AMY2B: variants seen among roughly 807,000 people sequenced by gnomAD.
The protein encoded by AMY2B is amylase alpha 2B.
A neutral mutation model predicts 59.3 loss-of-function variants in AMY2B; 63 were observed. The ratio of observed to expected loss-of-function variants is 1.06; its 90% CI spans 0.87 to 1.31. The LOEUF is 1.31. Ranked by LOEUF, AMY2B falls within the 50% of genes most tolerant of loss-of-function variation. The pLI, the probability that AMY2B is intolerant of heterozygous loss-of-function variation, is 0.00. For synonymous variants in AMY2B, 180 were observed against 198.1 expected, an observed-to-expected ratio of 0.91 and a Z score of 0.77; for missense variants, 635 against 626.7, an observed-to-expected ratio of 1.01 and a Z score of -0.14.
chr1:103,574,077 A>G, intron 4 of AMY2B, 139 bp downstream of exon 4: 3 of 1,517,470 alleles, frequency 2.0e-6, no homozygotes, highest in Non-Finnish European at 2.7e-6. Context: ...TCCTCTTCAC[A>G]TACAGCATAT....
At chr1:103,578,302 C>T (rs1339534398) in intron 9 of AMY2B, among the ~76,000 whole-genome samples, 1 of 152,134 alleles carries the variant, frequency 6.6e-6, no homozygotes, top group Non-Finnish European at 1.5e-5. Flanking sequence ...ACTTTCTTCA[C>T]TTCTCTGTCT....
chr1:103,578,204 T>A (rs187701006), intron 9 of AMY2B, among the ~76,000 whole-genome samples: 2 of 152,354 alleles, frequency 1.3e-5, no homozygotes, highest in East Asian at 1.9e-4. Context: ...CCTGTTTTTT[T>A]AATCATGGAA....
At position 103,575,754 on chromosome 1, in the gene AMY2B, T is replaced by A. The variant is rs117564960; in HGVS notation, c.1101+214T>A. The A allele has an allele frequency of 4.9e-3, 3,139 of 646,110 alleles. 129 individuals carry two copies. The Admixed American group carries it at 0.084, about 17-fold the overall frequency. The allele number at this position is 646,110 out of a possible 1,614,324, so 40.0% of individuals were successfully genotyped here. A position where few individuals can be genotyped will look rare whatever the true frequency, so the allele number is the denominator to read the frequency against. On this transcript the variant is annotated intron_variant, in intron 7 of 9. Coordinates refer to ENST00000684275, the MANE Select transcript of AMY2B (RefSeq NM_001387437.1). The stretch of plus-strand genomic sequence containing the variant: ...TATGCAAGCCTTTTCAGACATATGA[T>A]AAACATCCCCCTAGCCCACAGGAAA...
intron 1 of AMY2B, among the ~76,000 whole-genome samples, chr1:103,558,624 ATAAT>A (rs1651634708): frequency 6.6e-6 from 1 of 152,122 alleles, no homozygotes; most frequent in African/African-American, 2.4e-5. Flanking sequence ...ATTGCTGGGC[ATAAT>A]TAGTCATGCT....
intron 8 of AMY2B, 33 bp downstream of exon 8, chr1:103,577,641 A>G: frequency 4.3e-6 from 7 of 1,611,926 alleles, no homozygotes; most frequent in Non-Finnish European, 5.1e-6. Context: ...GTCCTCTAAT[A>G]GTAAACTTTC....
In AMY2B at chr1:103,577,820, T is replaced by C; in HGVS notation, c.1321T>C (p.Phe441Leu). The C allele has an allele frequency of 6.2e-7, 1 of 1,604,116 alleles. No homozygotes were observed. The highest frequency in any genetic ancestry group is 8.5e-7 in the Non-Finnish European group (1 of 1,179,728). ...QVAFGRGNRGFIVFNNDDWTF... is the reference protein window; with the variant it reads ...QVAFGRGNRGLIVFNNDDWTF... ...GGCTTTTGGGAGAGGAAACAGAGGA[T>C]TCATTGTTTTCAACAATGATGACTG... Residue 441 changes from phenylalanine (F) to leucine (L), a missense_variant, in exon 9 of 10, where the codon TTC (phenylalanine) becomes CTC (leucine). By Grantham distance (22) the Phe-to-Leu change is conservative. Coordinates refer to ENST00000684275, the MANE Select transcript of AMY2B (RefSeq NM_001387437.1).
intron 1 of AMY2B, among the ~76,000 whole-genome samples, chr1:103,561,455 A>T (rs953407993): frequency 6.6e-6 from 1 of 152,070 alleles, no homozygotes; most frequent in African/African-American, 2.4e-5. Context: ...TTTAGTAGAG[A>T]CAGGGTTTTG....
At chr1:103,560,175 C>T (rs368605405) in intron 1 of AMY2B, among the ~76,000 whole-genome samples, 2 of 152,110 alleles carry the variant, frequency 1.3e-5, no homozygotes, top group African/African-American at 4.8e-5. Context: ...TCTGCCTGCT[C>T]TTAATAAGGT....
In AMY2B at chr1:103,563,802, A is replaced by G. The variant is rs565534722; in HGVS notation, c.-206-1633A>G. On this transcript the variant is annotated intron_variant, in intron 1 of 11. Transcript: ENST00000361355. ...TTGTTGAAAAGTATATTTCAAAACT[A>G]CCATGGATCTGCCAGAAATCCTAAG... Among the ~76,000 whole-genome samples, 11 of 152,310 alleles carry G rather than the reference A, an allele frequency of 7.2e-5. No homozygotes were observed. The South Asian group carries it at 2.3e-3, about 32-fold the overall frequency.
chr1:103,571,455 T>C, upstream of AMY2B: 1 of 1,454,080 alleles, frequency 6.9e-7, no homozygotes, highest in Non-Finnish European at 9.3e-7. Flanking sequence ...TCTTCTCCTG[T>C]TAGGATTATT....
rs1264512797 is a variant in AMY2B at position 103,579,346 on chromosome 1, C to G, written c.1382C>G (p.Ala461Gly). 1.2e-6 allele frequency: 2 copies of G among 1,611,790 alleles called. No homozygotes were observed. The highest frequency in any genetic ancestry group is 1.7e-5 in the Admixed American group (1 of 60,010). Residue 461 changes from alanine (A) to glycine (G), a missense_variant, in exon 10 of 10, where the codon GCT (alanine) becomes GGT (glycine). Ala to Gly is a moderately conservative substitution (Grantham distance 60). Transcript: ENST00000684275. The stretch of plus-strand genomic sequence containing the variant: ...TTAACTTTGCAAACTGGTCTTCCTG[C>G]TGGCACATACTGTGATGTCATTTCT... Reference protein sequence around the residue: ...FSLTLQTGLPAGTYCDVISGD... With the variant: ...FSLTLQTGLPGGTYCDVISGD...
chr1:103,572,632 C>A (rs1652180909), intron 2 of AMY2B, among the ~76,000 whole-genome samples: 1 of 152,134 alleles, frequency 6.6e-6, no homozygotes. Flanking sequence ...TTCGTGGTGA[C>A]TAGCTAGCTT....
At position 103,578,160 on chromosome 1, in the gene AMY2B, A is replaced by G. The variant is rs1396073365; in HGVS notation, c.1346+315A>G. 3.9e-5 allele frequency among the ~76,000 whole-genome samples: 6 copies of G among 152,192 alleles called. No individual in the cohort carries two copies. In the East Asian group the frequency reaches 7.7e-4, roughly 20 times the overall value. On this transcript the variant is annotated intron_variant, in intron 9 of 9. Coordinates refer to ENST00000684275, the MANE Select transcript of AMY2B (RefSeq NM_001387437.1). ...AATACACAAAGTAGTTAATATGAGG[A>G]TTGTGAAATCATTAAAAGAACATGT...
chr1:103,566,148 T>C (rs980634480), intron 2 of AMY2B, among the ~76,000 whole-genome samples: 1 of 152,194 alleles, frequency 6.6e-6, no homozygotes, highest in African/African-American at 2.4e-5. Flanking sequence ...TCTCTTTTCA[T>C]TGATGTCAAA....
At position 103,579,394 on chromosome 1, in the gene AMY2B, G is replaced by A; in HGVS notation, c.1430G>A (p.Cys477Tyr). 6.2e-7 allele frequency: 1 copy of A among 1,611,726 alleles called. No homozygotes were observed. The highest frequency in any genetic ancestry group is 8.5e-7 in the Non-Finnish European group (1 of 1,179,698). The change falls in exon 10 of 10, where the codon TGC (cysteine) becomes TAC (tyrosine). Residue 477 changes from cysteine to tyrosine, a missense_variant. Physicochemically the swap from Cys to Tyr is radical, Grantham distance 194. Transcript: ENST00000684275. ...VISGDKINGN[C>Y]TGIKIYVSDD... ...TCTGGAGATAAAATTAATGGCAATT[G>A]CACAGGCATTAAAATCTACGTTTCT...
At chr1:103,575,628 T>G in intron 7 of AMY2B, 88 bp downstream of exon 7, 1 of 1,548,986 alleles carries the variant, frequency 6.5e-7, no homozygotes, top group Non-Finnish European at 8.8e-7. Context: ...ATTAATTATA[T>G]ATTCAACAAA....
intron 1 of AMY2B, among the ~76,000 whole-genome samples, chr1:103,560,471 TA>T (rs763358671): frequency 6.6e-6 from 1 of 152,180 alleles, no homozygotes; most frequent in African/African-American, 2.4e-5. Context: ...TATCTGTTTT[TA>T]AAAAATCTGT....
At chr1:103,572,492 A>G (rs1652175317) in intron 2 of AMY2B, among the ~76,000 whole-genome samples, 2 of 152,246 alleles carry the variant, frequency 1.3e-5, no homozygotes, top group African/African-American at 4.8e-5. Flanking sequence ...AAAGCAAAAC[A>G]TCAAATTTTA....
intron 9 of AMY2B, among the ~76,000 whole-genome samples, chr1:103,578,375 T>C (rs1652445601): frequency 1.3e-5 from 2 of 152,172 alleles, no homozygotes; most frequent in Non-Finnish European, 2.9e-5. Flanking sequence ...TGGTTAATGA[T>C]TGGCTTCAGG....
Sources: gnomAD v4.1 joint callset for allele counts (sites outside exome capture counted in the v4.1 genomes callset) on GRCh38, gnomAD v4.1.1 for gene constraint, MANE v1.5 for transcripts, NCBI Gene and HGNC (gene_info 2026-07-23, HGNC 2026-07-21) for gene names.